Variants in SOS1 observed in about 807,000 individuals in gnomAD.
SOS1 encodes son of sevenless homolog 1.
Under a neutral mutation model 157.6 loss-of-function variants are expected in SOS1, and 25 were observed. The observed-to-expected ratio is 0.16, with a 90% CI of 0.12 to 0.22. The LOEUF (loss-of-function observed/expected upper bound fraction) is 0.22. SOS1 is among the 10% of genes least tolerant of loss of function. SOS1 has a pLI of 1.00. For missense variants in SOS1, 1,237 were observed against 1,599.1 expected (o/e 0.77, Z 3.86); for synonymous variants, 528 against 534.0 (o/e 0.99, Z 0.16).
chr2:39,035,343 A>G, intron 7 of SOS1, 33 bp from the exon 8 acceptor site: 1 of 1,605,232 alleles, frequency 6.2e-7, no homozygotes, highest in Non-Finnish European at 8.5e-7. Flanking sequence ...TTTTTTTTTA[A>G]GTTTACTTTT....
chr2:39,116,665 T>C (rs1327702762), intron 1 of SOS1, among the ~76,000 whole-genome samples: 1 of 151,714 alleles, frequency 6.6e-6, no homozygotes, highest in East Asian at 1.9e-4. Flanking sequence ...AGCCCAGGAG[T>C]TCAAGACCAG....
chr2:38,996,572 A>T (rs1184143516), intron 19 of SOS1, among the ~76,000 whole-genome samples: 1 of 152,212 alleles, frequency 6.6e-6, no homozygotes, highest in East Asian at 1.9e-4. Flanking sequence ...GAAAGTTCTA[A>T]TAAGTCATTA....
At chr2:39,062,091 G>C in intron 2 of SOS1, among the ~76,000 whole-genome samples, 1 of 151,980 alleles carries the variant, frequency 6.6e-6, no homozygotes, top group East Asian at 1.9e-4. Flanking sequence ...ATTATTTGGG[G>C]AATCTAAATG....
intron 10 of SOS1, among the ~76,000 whole-genome samples, chr2:39,016,231 A>G (rs578259807): frequency 1.6e-4 from 24 of 152,126 alleles, no homozygotes; most frequent in Non-Finnish European, 2.6e-4. Flanking sequence ...TGAATTCAAA[A>G]TACTATTTTA....
At chr2:39,112,983 C>T (rs905190351) in intron 1 of SOS1, among the ~76,000 whole-genome samples, 1 of 151,152 alleles carries the variant, frequency 6.6e-6, no homozygotes, top group Non-Finnish European at 1.5e-5. Flanking sequence ...CTACAGTGAG[C>T]GGAGATCACA....
At chr2:39,083,895 GC>G (rs1672288742) in intron 1 of SOS1, among the ~76,000 whole-genome samples, 1 of 152,146 alleles carries the variant, frequency 6.6e-6, no homozygotes, top group Non-Finnish European at 1.5e-5. Context: ...GAAGCCCTAA[GC>G]CCCAGCACCT....
chr2:39,106,380 G>A (rs1673183283), intron 1 of SOS1, among the ~76,000 whole-genome samples: 1 of 151,866 alleles, frequency 6.6e-6, no homozygotes, highest in African/African-American at 2.4e-5. Flanking sequence ...CACGAGGTCA[G>A]GAGATCGAGA....
At chr2:38,995,474 A>C (rs900774798) in intron 19 of SOS1, 87 bp from the exon 20 acceptor site, 23 of 982,930 alleles carry the variant, frequency 2.3e-5, no homozygotes, top group Non-Finnish European at 3.2e-5. Context: ...AAATTCAGCT[A>C]ATATACAGGA....
In SOS1 at chr2:38,995,058, T is replaced by C; in HGVS notation, c.3346+65A>G. On this transcript the variant is annotated intron_variant, in intron 20 of 22. Transcript: ENST00000402219. ...ACATACAAAAAAATAACAGAGATTC[T>C]TTTTTACCTCTAGCATGTATAGTAC... 3 of 1,387,130 alleles carry C rather than the reference T, an allele frequency of 2.2e-6. No homozygotes were observed. The Admixed American group carries it at 5.1e-5, about 23-fold the overall frequency. 85.9% of individuals were successfully genotyped at this position (1,387,130 alleles called of 1,614,324 possible).
intron 1 of SOS1, among the ~76,000 whole-genome samples, chr2:39,112,138 T>C (rs574305400): frequency 4.6e-5 from 7 of 152,104 alleles, no homozygotes; most frequent in South Asian, 4.1e-4. Flanking sequence ...ATTTCTCTTA[T>C]ATACCCTTAC....
chr2:39,018,576 G>C (rs1414090234), intron 10 of SOS1, among the ~76,000 whole-genome samples: 1 of 151,718 alleles, frequency 6.6e-6, no homozygotes, highest in Non-Finnish European at 1.5e-5. Flanking sequence ...TAGGAACTCA[G>C]AGTATACCTA....
rs1239486837 is a variant in SOS1, at chr2:39,037,291, A to T, written c.865-1791T>A. 2.6e-5 allele frequency among the ~76,000 whole-genome samples: 4 copies of T among 152,260 alleles called. No individual in the cohort carries two copies. In the South Asian group the frequency reaches 6.2e-4, roughly 24 times the overall value. ...GGAAGAGAAGACTAAAAATGTGAAGAGATGCTTATAGCTTAGGTCTCTTCC... is the reference window on the plus strand; with the variant it reads ...GGAAGAGAAGACTAAAAATGTGAAGTGATGCTTATAGCTTAGGTCTCTTCC... On this transcript the variant is annotated intron_variant, in intron 6 of 22. Transcript: ENST00000402219.
rs533793959 is a variant in SOS1, at chr2:39,015,566, T to A, written c.1859-720A>T. On this transcript the variant is annotated intron_variant, in intron 10 of 22. Transcript: ENST00000402219. ...TGAAAGGACCTACTTTTCATTCACA[T>A]CTCCATGAAGTAAAACAAGAGGCTG... 2.5e-4 allele frequency among the ~76,000 whole-genome samples: 38 copies of A among 151,952 alleles called. 1 individual carries two copies. The South Asian group carries it at 6.4e-3, about 26-fold the overall frequency.
rs749786582 is a variant in SOS1 at position 39,053,451 on chromosome 2, T to C, written c.720+1163A>G. ...ACCTTTGCCTCTTCTTTACTTTTTT[T>C]AAAGCAACCTTATTGAAACATTATT... is the stretch of plus-strand genomic sequence containing the variant. On this transcript the variant is annotated intron_variant, in intron 5 of 22. Transcript: ENST00000402219. 9.4e-4 allele frequency among the ~76,000 whole-genome samples: 143 copies of C among 152,348 alleles called. 1 individual carries two copies. Among genetic ancestry groups the C allele is most frequent in the Middle Eastern group, 3.4e-3 (1 of 294 alleles).
At chr2:39,095,304 T>C (rs143991301) in intron 1 of SOS1, among the ~76,000 whole-genome samples, 1 of 152,268 alleles carries the variant, frequency 6.6e-6, no homozygotes, top group East Asian at 1.9e-4. Flanking sequence ...TGAGAATATC[T>C]AGAGACTCCA....
chr2:39,083,798 T>C (rs1672286104), intron 1 of SOS1, among the ~76,000 whole-genome samples: 1 of 152,098 alleles, frequency 6.6e-6, no homozygotes, highest in South Asian at 2.1e-4. Flanking sequence ...ACAAAAATAA[T>C]GTAAATGACC....
At chr2:39,087,235 T>G (rs1371986882) in intron 1 of SOS1, among the ~76,000 whole-genome samples, 1 of 152,218 alleles carries the variant, frequency 6.6e-6, no homozygotes, top group Non-Finnish European at 1.5e-5. Flanking sequence ...TAAATCATAT[T>G]AATTAGTATT....
At chr2:38,991,091 G>A (rs1306049616) in intron 20 of SOS1, among the ~76,000 whole-genome samples, 1 of 152,050 alleles carries the variant, frequency 6.6e-6, no homozygotes, top group Non-Finnish European at 1.5e-5. Flanking sequence ...CCAGTCTAGT[G>A]TGGGCTGGGC....
At chr2:39,017,342 C>G (rs1199458965) in intron 10 of SOS1, among the ~76,000 whole-genome samples, 1 of 151,984 alleles carries the variant, frequency 6.6e-6, no homozygotes, top group African/African-American at 2.4e-5. Flanking sequence ...GAATGATTAA[C>G]TCAGAATGTA....
Sources: gnomAD v4.1 joint callset for allele counts (sites outside exome capture counted in the v4.1 genomes callset) on GRCh38, gnomAD v4.1.1 for gene constraint, MANE v1.5 for transcripts, NCBI Gene and HGNC (gene_info 2026-07-23, HGNC 2026-07-21) for gene names.